TMEM132D: variants seen among roughly 807,000 people sequenced by gnomAD.
TMEM132D encodes the protein transmembrane protein 132D.
Under a neutral mutation model 62.3 loss-of-function variants are expected in TMEM132D, and 21 were observed. The ratio of observed to expected loss-of-function variants is 0.34; its 90% confidence interval spans 0.24 to 0.49. TMEM132D has a LOEUF of 0.49. Ranked by LOEUF, TMEM132D falls within the 20% of genes least tolerant of loss-of-function variation. The pLI is 0.99. For missense variants in TMEM132D, 1,346 were observed against 1,402.8 expected (o/e 0.96, Z 0.65); for synonymous variants, 621 against 575.6 (o/e 1.08, Z -1.13).
chr12:129,687,041 T>C (rs10847923), intron 2 of TMEM132D, among the ~76,000 whole-genome samples: 42,212 of 152,076 alleles, frequency 0.28, 6,119 homozygotes, highest in South Asian at 0.36. Flanking sequence ...AGGAGCAAAC[T>C]GCTCCTTTCA....
At chr12:129,095,518 A>C (rs536976092) in intron 5 of TMEM132D, among the ~76,000 whole-genome samples, 13 of 152,102 alleles carry the variant, frequency 8.5e-5, no homozygotes, top group Non-Finnish European at 1.3e-4. Context: ...CAACCGGCTA[A>C]TTTTTGTATT....
At chr12:129,258,072 G>T (rs1179278085) in intron 4 of TMEM132D, among the ~76,000 whole-genome samples, 2 of 152,082 alleles carry the variant, frequency 1.3e-5, no homozygotes, top group African/African-American at 4.8e-5. Context: ...GTCTAAACAG[G>T]ACCCGTTTGC....
intron 3 of TMEM132D, among the ~76,000 whole-genome samples, chr12:129,485,221 G>A (rs985055537): frequency 6.6e-6 from 1 of 152,152 alleles, no homozygotes; most frequent in African/African-American, 2.4e-5. Context: ...GGAGACAGTG[G>A]GAAACATACC....
At chr12:129,175,257 T>G (rs1877871608) in intron 5 of TMEM132D, among the ~76,000 whole-genome samples, 1 of 152,136 alleles carries the variant, frequency 6.6e-6, no homozygotes, top group Non-Finnish European at 1.5e-5. Context: ...GTATAAGGTG[T>G]AAGGAAGGGA....
intron 5 of TMEM132D, among the ~76,000 whole-genome samples, chr12:129,159,509 C>T (rs960546954): frequency 9.2e-5 from 14 of 152,032 alleles, no homozygotes; most frequent in Admixed American, 5.2e-4. Context: ...GTAATCTCAG[C>T]GCTTTGGGAG....
intron 2 of TMEM132D, among the ~76,000 whole-genome samples, chr12:129,622,030 AC>A (rs1262794007): frequency 6.6e-6 from 1 of 152,136 alleles, no homozygotes; most frequent in African/African-American, 2.4e-5. Context: ...CTCAAGTGTT[AC>A]CCAGTCTCAG....
chr12:129,219,381 T>C (rs1866104232), intron 4 of TMEM132D, among the ~76,000 whole-genome samples: 1 of 152,212 alleles, frequency 6.6e-6, no homozygotes, highest in Non-Finnish European at 1.5e-5. Flanking sequence ...CTTTCCTTTA[T>C]AAATTACCCA....
At chr12:129,271,195 G>C (rs1386294448) in intron 4 of TMEM132D, among the ~76,000 whole-genome samples, 1 of 151,778 alleles carries the variant, frequency 6.6e-6, no homozygotes, top group Non-Finnish European at 1.5e-5. Flanking sequence ...GGATTTGTTA[G>C]GAAAAAAAAT....
chr12:129,808,414 G>A (rs1314595311), intron 1 of TMEM132D, among the ~76,000 whole-genome samples: 1 of 152,102 alleles, frequency 6.6e-6, no homozygotes. Flanking sequence ...ATAAAGACGG[G>A]TACAGGGATA....
At position 129,216,136 on chromosome 12, in the gene TMEM132D, G is replaced by A. The variant is rs557896780; in HGVS notation, c.1300-6473C>T. 2.0e-5 allele frequency among the ~76,000 whole-genome samples: 3 copies of A among 152,246 alleles called. No individual in the cohort carries two copies. The East Asian group carries it at 5.8e-4, about 29-fold the overall frequency. ...CTCCAAGCAAGTTACTTAACTCTTCGTGCCTAATTCTCTTCAGCTATAACA... is the reference window on the plus strand; with the variant it reads ...CTCCAAGCAAGTTACTTAACTCTTCATGCCTAATTCTCTTCAGCTATAACA... On this transcript the variant is annotated intron_variant, in intron 4 of 8. Coordinates refer to ENST00000422113, the MANE Select transcript of TMEM132D (RefSeq NM_133448.3).
chr12:129,823,724 T>A (rs1301101015), intron 1 of TMEM132D, among the ~76,000 whole-genome samples: 2 of 152,146 alleles, frequency 1.3e-5, no homozygotes, highest in Non-Finnish European at 2.9e-5. Flanking sequence ...GAGAACAAAT[T>A]TGCGGCTCTA....
chr12:129,261,760 G>A (rs1374235095), intron 4 of TMEM132D, among the ~76,000 whole-genome samples: 1 of 152,058 alleles, frequency 6.6e-6, no homozygotes, highest in Non-Finnish European at 1.5e-5. Flanking sequence ...CCTAATCTCT[G>A]CTTACGAGGA....
At chr12:129,080,830 A>G (rs1264938313) in intron 7 of TMEM132D, among the ~76,000 whole-genome samples, 1 of 152,178 alleles carries the variant, frequency 6.6e-6, no homozygotes, top group Non-Finnish European at 1.5e-5. Flanking sequence ...GTAAATGACC[A>G]AACCCTTACA....
chr12:129,163,740 C>T lies in TMEM132D; in HGVS notation c.1443+45780G>A, dbSNP rs1276074647. Among the ~76,000 whole-genome samples, 3 of 152,376 alleles carry T rather than the reference C, an allele frequency of 2.0e-5. No individual in the cohort carries two copies. The Middle Eastern group carries it at 0.01, about 518-fold the overall frequency. On this transcript the variant is annotated intron_variant, in intron 5 of 8. Coordinates refer to ENST00000422113, the MANE Select transcript of TMEM132D (RefSeq NM_133448.3). ...TTGTTATGAATCCCTGGGTGCTTCCCCATCCCGGCATATCCTCTGAAAATG... is the reference window on the plus strand; with the variant it reads ...TTGTTATGAATCCCTGGGTGCTTCCTCATCCCGGCATATCCTCTGAAAATG...
intron 5 of TMEM132D, among the ~76,000 whole-genome samples, chr12:129,155,630 T>G (rs1312335967): frequency 6.6e-6 from 1 of 152,198 alleles, no homozygotes; most frequent in Admixed American, 6.5e-5. Flanking sequence ...GCAAGGGCCT[T>G]CATGCTGCAT....
intron 4 of TMEM132D, among the ~76,000 whole-genome samples, chr12:129,310,085 C>T (rs954456719): frequency 1.3e-5 from 2 of 151,484 alleles, no homozygotes; most frequent in African/African-American, 2.4e-5. Flanking sequence ...GAGGGCTGGC[C>T]GAGAAGGAAA....
chr12:129,516,917 G>C (rs907632611), intron 3 of TMEM132D, among the ~76,000 whole-genome samples: 3 of 152,040 alleles, frequency 2.0e-5, no homozygotes, highest in Non-Finnish European at 2.9e-5. Flanking sequence ...ACATTCCTTG[G>C]CTCCTGGCCC....
intron 5 of TMEM132D, among the ~76,000 whole-genome samples, chr12:129,196,821 C>G (rs1878564150): frequency 6.6e-6 from 1 of 152,150 alleles, no homozygotes; most frequent in Admixed American, 6.5e-5. Flanking sequence ...TATATACAAT[C>G]TCACCTAGAA....
At chr12:129,682,749 C>G (rs1880810784) in intron 2 of TMEM132D, 1 of 150,044 alleles carries the variant, frequency 6.7e-6, no homozygotes, top group Admixed American at 6.7e-5. Flanking sequence ...GTCCCAGCTA[C>G]TCGGGAGGCT....
Sources: allele counts gnomAD v4.1 joint callset (sites outside exome capture counted in the v4.1 genomes callset), GRCh38; gene constraint gnomAD v4.1.1; transcripts MANE v1.5; gene names NCBI Gene and HGNC (gene_info 2026-07-23, HGNC 2026-07-21).